Variants in FREM2 observed in about 807,000 individuals in gnomAD.
The protein encoded by FREM2 is FRAS1-related extracellular matrix protein 2.
Under a neutral mutation model 219.9 loss-of-function variants are expected in FREM2, and 119 were observed. The ratio of observed to expected loss-of-function variants is 0.54; its 90% CI spans 0.47 to 0.63. FREM2 has a LOEUF of 0.63. FREM2 is among the 30% of genes least tolerant of loss of function. FREM2 has a pLI of 0.00. For missense variants in FREM2, 4,030 were observed against 3,993.6 expected (o/e 1.01, Z -0.25); for synonymous variants, 1,562 against 1,522.8 (o/e 1.03, Z -0.60).
chr13:38,823,312 C>G lies in FREM2; in HGVS notation c.6020-23261C>G, dbSNP rs553480962. On this transcript the variant is annotated intron_variant, in intron 6 of 23. Coordinates refer to ENST00000280481, the MANE Select transcript of FREM2 (RefSeq NM_207361.6). The stretch of plus-strand genomic sequence containing the variant: ...CCGCCTGCTTCCAGTTTGCTCATAT[C>G]CCACCCCTTTCCACCAGACCATTCA... Among the ~76,000 whole-genome samples, 9 of 152,128 alleles carry G rather than the reference C, an allele frequency of 5.9e-5. No individual in the cohort carries two copies. In the East Asian group the frequency reaches 1.2e-3, roughly 20 times the overall value.
rs779617548 is a variant in FREM2, at chr13:38,689,903, C to T, written c.2559C>T (p.His853=). 69 of 1,613,992 alleles carry T rather than the reference C, an allele frequency of 4.3e-5. No individual in the cohort carries two copies. Among genetic ancestry groups the T allele is most frequent in the Admixed American group, 1.0e-4 (6 of 59,992 alleles). ...ACATCCTGAGTGAGACAGAGTTGCA[C>T]GTGAATGATGTAGACACTGATGTTG... ...GHHILSETEL[H]VNDVDTDVAH... The change falls in exon 1 of 24, where the codon CAC becomes CAT. Residue 853 remains histidine, a synonymous_variant. Transcript: ENST00000280481.
At chr13:38,721,549 TAGACCAGA>T (rs2138108330) in intron 2 of FREM2, among the ~76,000 whole-genome samples, 1 of 152,284 alleles carries the variant, frequency 6.6e-6, no homozygotes, top group South Asian at 2.1e-4. Context: ...AGAGCCTGTA[TAGACCAGA>T]GCTGGGTGTA....
At chr13:38,773,978 T>A (rs917957882) in intron 4 of FREM2, among the ~76,000 whole-genome samples, 4 of 150,444 alleles carry the variant, frequency 2.7e-5, no homozygotes, top group Non-Finnish European at 4.4e-5. Flanking sequence ...AAAATATGTA[T>A]AAAATATATA....
rs764712251 is a variant in FREM2, at chr13:38,783,181, G to T, written c.5753G>T (p.Cys1918Phe). Residue 1918 changes from cysteine to phenylalanine, a missense_variant, in exon 5 of 24, where the codon TGT (cysteine) becomes TTT (phenylalanine). By Grantham distance (205) the Cys-to-Phe change is radical. Transcript: ENST00000280481. Reference sequence around the variant, plus strand: ...GTGAGCCAGGAGTTGATGGTGGTCTGTTATACCCAACAAGGTAGCTCGATT... The same window carrying T: ...GTGAGCCAGGAGTTGATGGTGGTCTTTTATACCCAACAAGGTAGCTCGATT... Reference protein sequence around the residue: ...GDVSQELMVVCYTQQGTATGT... With the variant: ...GDVSQELMVVFYTQQGTATGT... 1 of 1,614,038 alleles carries T rather than the reference G, an allele frequency of 6.2e-7. No individual in the cohort carries two copies. The highest frequency in any genetic ancestry group is 1.1e-5 in the South Asian group (1 of 91,072).
At chr13:38,697,526 G>A (rs1193745098) in intron 1 of FREM2, among the ~76,000 whole-genome samples, 172 bp from the exon 2 acceptor site, 1 of 152,314 alleles carries the variant, frequency 6.6e-6, no homozygotes, top group Non-Finnish European at 1.5e-5. Flanking sequence ...CCATGGGACA[G>A]CTGAAATCTA....
chr13:38,802,665 A>G (rs1308304550), intron 6 of FREM2, among the ~76,000 whole-genome samples: 2 of 152,172 alleles, frequency 1.3e-5, no homozygotes, highest in Non-Finnish European at 2.9e-5. Flanking sequence ...GCTCCAGGAT[A>G]AGACACAGTC....
At chr13:38,839,227 A>G (rs1328896036) in intron 6 of FREM2, among the ~76,000 whole-genome samples, 1 of 152,160 alleles carries the variant, frequency 6.6e-6, no homozygotes, top group Admixed American at 6.5e-5. Context: ...CCTCTTCTGC[A>G]GTTCTGCTGC....
chr13:38,738,189 GA>G (rs1313146085), intron 2 of FREM2, among the ~76,000 whole-genome samples: 1 of 152,068 alleles, frequency 6.6e-6, no homozygotes, highest in Non-Finnish European at 1.5e-5. Flanking sequence ...AGCTTTGCAG[GA>G]AAAAATAATG....
chr13:38,736,466 T>C (rs765889517), intron 2 of FREM2, among the ~76,000 whole-genome samples: 3 of 152,196 alleles, frequency 2.0e-5, no homozygotes, highest in Non-Finnish European at 2.9e-5. Context: ...TACTTATATT[T>C]CATTATAAGA....
At chr13:38,719,520 C>T (rs1207318622) in intron 2 of FREM2, among the ~76,000 whole-genome samples, 2 of 152,138 alleles carry the variant, frequency 1.3e-5, no homozygotes, top group African/African-American at 2.4e-5. Context: ...TGCACCTGGC[C>T]AGCAGCATGT....
intron 2 of FREM2, among the ~76,000 whole-genome samples, chr13:38,755,828 A>G (rs1347479224): frequency 6.6e-6 from 1 of 152,218 alleles, no homozygotes; most frequent in Non-Finnish European, 1.5e-5. Context: ...GTGATTCTTC[A>G]TTAGAATTCA....
Position 38,690,815 on chromosome 13 carries a change from A to G in FREM2, c.3471A>G (p.Glu1157=), listed in dbSNP as rs1004834572. ...TCCAGAGTGTCCATAAAGGGGTGGA[A>G]CCTGTGGAGGACCGATTTGTATTTC... ...NYVQSVHKGV[E]PVEDRFVFRC... is the part of the protein sequence containing the mutation. Residue 1157 remains glutamate (E), a synonymous_variant, in exon 1 of 24, where the codon GAA becomes GAG. Transcript: ENST00000280481. 6.2e-7 allele frequency: 1 copy of G among 1,614,144 alleles called. No homozygotes were observed. The highest frequency in any genetic ancestry group is 1.3e-5 in the African/African-American group (1 of 75,048).
At chr13:38,759,434 G>A (rs1465906157) in intron 2 of FREM2, among the ~76,000 whole-genome samples, 1 of 140,068 alleles carries the variant, frequency 7.1e-6, no homozygotes, top group Non-Finnish European at 1.6e-5. Flanking sequence ...TTGGAGTTTG[G>A]TATTCTTTGT....
At position 38,757,696 on chromosome 13, in the gene FREM2, G is replaced by T. The variant is rs944283897; in HGVS notation, c.5264-6608G>T. ...TGCAACCTCCACCTCCCAGGTTCAA[G>T]CAATTCTCCTGTCTCAGCCTCCTGA... On this transcript the variant is annotated intron_variant, in intron 2 of 23. Transcript: ENST00000280481. Among the ~76,000 whole-genome samples, 5 of 151,920 alleles carry T rather than the reference G, an allele frequency of 3.3e-5. No homozygotes were observed. In the East Asian group the frequency reaches 9.7e-4, roughly 29 times the overall value.
Position 38,753,167 on chromosome 13 carries a change from A to G in FREM2, c.5264-11137A>G, listed in dbSNP as rs373368260. ...GTTATTTTTTCTATAACAATATAGT[A>G]TTTAAATTTTTTTTAACTTATATAC... On this transcript the variant is annotated intron_variant, in intron 2 of 23. Coordinates refer to ENST00000280481, the MANE Select transcript of FREM2 (RefSeq NM_207361.6). 3.6e-3 allele frequency among the ~76,000 whole-genome samples: 553 copies of G among 152,314 alleles called. 41 individuals are homozygous for G. In the South Asian group the frequency reaches 0.11, roughly 30 times the overall value.
chr13:38,726,792 AT>A lies in FREM2; in HGVS notation c.5263+29006del, dbSNP rs1871546815. Among the ~76,000 whole-genome samples the A allele has an allele frequency of 2.6e-5, 4 of 152,322 alleles. No individual in the cohort carries two copies. The South Asian group carries it at 8.3e-4, about 32-fold the overall frequency. On this transcript the variant is annotated intron_variant, in intron 2 of 23. Transcript: ENST00000280481. ...AACTGCTCTTATATGCTATTTTCAC[AT>A]AGACCTATGATTGTGGGTGGAGGAA...
intron 2 of FREM2, among the ~76,000 whole-genome samples, chr13:38,763,464 C>CTTTTTTTTTTTTTTTTTT (rs1163604743): frequency 5.9e-5 from 6 of 102,346 alleles, no homozygotes; most frequent in Non-Finnish European, 1.1e-4. Context: ...GTTACTTGGG[C>CTTTTTTTTTTTTTTTTTT]TTTTTTTTTT....
At chr13:38,734,164 C>CAA (rs200422958) in intron 2 of FREM2, among the ~76,000 whole-genome samples, 2 of 148,562 alleles carry the variant, frequency 1.3e-5, no homozygotes, top group Admixed American at 6.7e-5. Flanking sequence ...TTTGCACACA[C>CAA]ACAAAAAAAA....
At position 38,880,893 on chromosome 13, in the gene FREM2, G is replaced by T; in HGVS notation, c.*106G>T. 1.5e-6 allele frequency: 2 copies of T among 1,296,080 alleles called. No homozygotes were observed. Among genetic ancestry groups the T allele is most frequent in the South Asian group, 2.5e-5 (2 of 79,936 alleles). 80.3% of individuals were successfully genotyped at this position (1,296,080 alleles called of 1,614,324 possible). On this transcript the variant is annotated 3_prime_UTR_variant, in exon 24 of 24. Coordinates refer to ENST00000280481, the MANE Select transcript of FREM2 (RefSeq NM_207361.6). ...ATAGAGAATGGAGGATGGCTGTGAT[G>T]AAGCTGCTTAGAGAATATGACTGTA...
Sources: allele counts gnomAD v4.1 joint callset (sites outside exome capture counted in the v4.1 genomes callset), GRCh38; gene constraint gnomAD v4.1.1; transcripts MANE v1.5; gene names NCBI Gene and HGNC (gene_info 2026-07-23, HGNC 2026-07-21).